Variants in IBTK observed in about 807,000 individuals in gnomAD.
IBTK encodes BTK-binding protein.
IBTK carries 83 observed loss-of-function variants against 154.9 expected under a neutral mutation model. The observed-to-expected ratio is 0.54, with a 90% CI of 0.45 to 0.64. The LOEUF is 0.64. Ranked by LOEUF, IBTK falls within the 30% of genes least tolerant of loss-of-function variation. The probability of loss-of-function intolerance (pLI) is 0.00; values close to 1 mark genes in which losing one functional copy is unlikely to be tolerated. For synonymous variants in IBTK, 515 were observed against 536.1 expected, an observed-to-expected ratio of 0.96 and a Z score of 0.54; for missense variants, 1,332 against 1,584.6, an observed-to-expected ratio of 0.84 and a Z score of 2.71.
At chr6:82,207,205 AAAAC>A (rs1769447336) in intron 16 of IBTK, among the ~76,000 whole-genome samples, 1 of 152,200 alleles carries the variant, frequency 6.6e-6, no homozygotes. Flanking sequence ...ATCCACTAAA[AAAAC>A]TACTAGAATT....
At position 82,204,875 on chromosome 6, in the gene IBTK, C is replaced by T. The variant is rs760066143; in HGVS notation, c.2593G>A (p.Val865Ile). The change falls in exon 17 of 29, where the codon GTA (valine) becomes ATA (isoleucine). Residue 865 changes from valine (V) to isoleucine (I), a missense_variant. Coordinates refer to ENST00000306270, the MANE Select transcript of IBTK (RefSeq NM_015525.4). The part of the protein sequence containing the change: ...LITRLKEICE[V>I]ALTEKLTLKN... ...TACTCACGTTTTTCAGTTAATGCTA[C>T]TTCACAAATCTCTTTCAACCGGGTT... is the stretch of plus-strand genomic sequence containing the variant. 8 of 1,600,394 alleles carry T rather than the reference C, an allele frequency of 5.0e-6. 1 individual carries two copies. The highest frequency in any genetic ancestry group is 6.8e-6 in the Non-Finnish European group (8 of 1,171,420).
chr6:82,220,733 A>AT lies in IBTK; in HGVS notation c.1125-21dup. On this transcript the variant is annotated intron_variant, in intron 8 of 28. Coordinates refer to ENST00000306270, the MANE Select transcript of IBTK (RefSeq NM_015525.4). ...AACTGTCTAGATGAAAAAAAAAAAA[A>AT]TCCTAGATTAATATGTTCTCTAAAC... 6.6e-7 allele frequency: 1 copy of AT among 1,525,328 alleles called. No homozygotes were observed. Among genetic ancestry groups the AT allele is most frequent in the Non-Finnish European group, 8.8e-7 (1 of 1,136,254 alleles). The allele number at this position is 1,525,328 out of a possible 1,614,324, so 94.5% of individuals were successfully genotyped here.
intron 2 of IBTK, among the ~76,000 whole-genome samples, chr6:82,234,495 C>T (rs1395927318): frequency 1.3e-5 from 2 of 151,468 alleles, no homozygotes; most frequent in Admixed American, 6.6e-5. Flanking sequence ...TCCACCACCA[C>T]GCCCGGCTAA....
At position 82,216,237 on chromosome 6, in the gene IBTK, G is replaced by A. The variant is rs776791795; in HGVS notation, c.1440C>T (p.Asn480=). ...ACACATCTGATGAGGAATTGTGAAGGTTTGATAAAATCTCTGTTAAAAAAA... is the reference window on the plus strand; with the variant it reads ...ACACATCTGATGAGGAATTGTGAAGATTTGATAAAATCTCTGTTAAAAAAA... ...KSSEKKEILS[N]LHNSSSDVSY... is the part of the protein sequence containing the mutation. Residue 480 remains asparagine, a synonymous_variant, in exon 11 of 29, where the codon AAC becomes AAT. Coordinates refer to ENST00000306270, the MANE Select transcript of IBTK (RefSeq NM_015525.4). The A allele has an allele frequency of 6.3e-7, 1 of 1,577,250 alleles. No individual in the cohort carries two copies. The highest frequency in any genetic ancestry group is 1.2e-5 in the South Asian group (1 of 84,936).
chr6:82,233,155 C>CAAAAAA (rs35870814), intron 3 of IBTK, among the ~76,000 whole-genome samples: 163 of 93,370 alleles, frequency 1.7e-3, no homozygotes, highest in African/African-American at 5.8e-3. Context: ...GAAACTGTCT[C>CAAAAAA]AAAAAAAAAA....
rs756114887 is a variant in IBTK at position 82,220,723 on chromosome 6, A to AC, written c.1125-11_1125-10insG. On this transcript the variant is annotated splice_polypyrimidine_tract_variant and intron_variant, in intron 8 of 28. Transcript: ENST00000306270. ...TTTCAAGTTCAACTGTCTAGATGAA[A>AC]AAAAAAAAAATCCTAGATTAATATG... is the stretch of plus-strand genomic sequence containing the variant. The AC allele has an allele frequency of 6.5e-7, 1 of 1,546,748 alleles. No homozygotes were observed. Among genetic ancestry groups the AC allele is most frequent in the South Asian group, 1.2e-5 (1 of 80,360 alleles).
chr6:82,221,832 A>T (rs1770111547), intron 8 of IBTK, among the ~76,000 whole-genome samples: 1 of 152,182 alleles, frequency 6.6e-6, no homozygotes, highest in Non-Finnish European at 1.5e-5. Flanking sequence ...TCACATTTTC[A>T]TGTTTCTATC....
chr6:82,240,651 C>A lies in IBTK; in HGVS notation c.-165G>T, dbSNP rs753845269. ...TAGTATAAAACTATATATCTTTATA[C>A]AATTTTTTGGCACTTAAATCAAAAA... On this transcript the variant is annotated 5_prime_UTR_variant, in exon 2 of 29. Coordinates refer to ENST00000306270, the MANE Select transcript of IBTK (RefSeq NM_015525.4). The A allele has an allele frequency of 1.3e-5, 7 of 545,580 alleles. No individual in the cohort carries two copies. The highest frequency in any genetic ancestry group is 2.1e-5 in the Non-Finnish European group (7 of 326,638). 33.8% of individuals were successfully genotyped at this position (545,580 alleles called of 1,614,324 possible).
intron 1 of IBTK, among the ~76,000 whole-genome samples, chr6:82,243,017 G>A (rs914965100): frequency 4.6e-5 from 7 of 152,012 alleles, no homozygotes; most frequent in African/African-American, 1.4e-4. Context: ...CAAGGCAGGC[G>A]AATCACGAGG....
At position 82,204,908 on chromosome 6, in the gene IBTK, G is replaced by A. The variant is rs1184794901; in HGVS notation, c.2560C>T (p.Leu854Phe). 5.6e-6 allele frequency: 9 copies of A among 1,609,068 alleles called. No homozygotes were observed. The highest frequency in any genetic ancestry group is 1.3e-5 in the African/African-American group (1 of 74,670). ...ATCTCTTTCAACCGGGTTATGAGAA[G>A]TTGATCAGCCACCACAAGAACACTA... ...ICSVLVVADQ[L>F]LITRLKEICE... Residue 854 changes from leucine (L) to phenylalanine (F), a missense_variant, in exon 17 of 29, where the codon CTT (leucine) becomes TTT (phenylalanine). By Grantham distance (22) the Leu-to-Phe change is conservative. Transcript: ENST00000306270.
chr6:82,241,942 A>G (rs1372702636), intron 1 of IBTK, among the ~76,000 whole-genome samples: 1 of 152,194 alleles, frequency 6.6e-6, no homozygotes, highest in African/African-American at 2.4e-5. Flanking sequence ...TTCATACCAC[A>G]CCAAAGAGTC....
chr6:82,220,834 A>G lies in IBTK; in HGVS notation c.1125-121T>C, dbSNP rs181815377. On this transcript the variant is annotated intron_variant, in intron 8 of 28. Transcript: ENST00000306270. ...GCAATTATTGTGAAGGTGAAGTAAA[A>G]TGATTTGGTCTTTGGTATCTCTAGC... 4.2e-5 allele frequency: 35 copies of G among 830,958 alleles called. No individual in the cohort carries two copies. The Admixed American group carries it at 9.2e-4, about 22-fold the overall frequency. 51.5% of individuals were successfully genotyped at this position (830,958 alleles called of 1,614,324 possible).
intron 3 of IBTK, 123 bp from the exon 4 acceptor site, chr6:82,231,965 A>G: frequency 1.9e-6 from 1 of 531,934 alleles, no homozygotes; most frequent in Non-Finnish European, 3.2e-6. Context: ...ATATGATATT[A>G]GGTAATTCTA....
intron 18 of IBTK, among the ~76,000 whole-genome samples, chr6:82,202,091 T>A (rs993510465): frequency 2.6e-5 from 4 of 152,120 alleles, no homozygotes; most frequent in African/African-American, 7.2e-5. Flanking sequence ...TCATAAAAAT[T>A]AACTAAATGA....
At chr6:82,173,061 G>A in intron 27 of IBTK, 1 of 213,460 alleles carries the variant, frequency 4.7e-6, no homozygotes, top group Non-Finnish European at 9.0e-6. Flanking sequence ...GAGTACAGTG[G>A]CATGATCGCG....
intron 16 of IBTK, among the ~76,000 whole-genome samples, chr6:82,209,050 G>A (rs1307682625): frequency 1.3e-5 from 2 of 152,294 alleles, no homozygotes; most frequent in East Asian, 1.9e-4. Context: ...CTTCACACCC[G>A]TTAGGATGGC....
intron 8 of IBTK, 76 bp from the exon 9 acceptor site, chr6:82,220,789 A>T: frequency 8.5e-7 from 1 of 1,178,838 alleles, no homozygotes; most frequent in Admixed American, 2.7e-5. Flanking sequence ...AGAAGTTAGT[A>T]TTCAAACAAC....
chr6:82,194,235 G>A (rs978609669), intron 23 of IBTK, among the ~76,000 whole-genome samples: 4 of 151,870 alleles, frequency 2.6e-5, no homozygotes, highest in Non-Finnish European at 4.4e-5. Flanking sequence ...CTCTATATAC[G>A]TAAAACATAG....
At chr6:82,182,699 TAATA>T (rs1768366135) in intron 25 of IBTK, among the ~76,000 whole-genome samples, 2 of 152,092 alleles carry the variant, frequency 1.3e-5, no homozygotes, top group Admixed American at 1.3e-4. Context: ...TTTAGGCACA[TAATA>T]AATAAACAGC....
Sources: gnomAD v4.1 joint callset for allele counts (sites outside exome capture counted in the v4.1 genomes callset) on GRCh38, gnomAD v4.1.1 for gene constraint, MANE v1.5 for transcripts, NCBI Gene and HGNC (gene_info 2026-07-23, HGNC 2026-07-21) for gene names.